The following PES1 variants were observed in gnomAD, a reference collection of about 807,000 sequenced individuals.
The protein encoded by PES1 is pescadillo homolog.
In PES1, 31 loss-of-function variants were observed where a neutral mutation model predicts 77.1. The ratio of observed to expected loss-of-function variants is 0.40; its 90% CI spans 0.30 to 0.54. PES1 has a LOEUF of 0.54. PES1 is among the 20% of genes least tolerant of loss of function. PES1 has a pLI of 0.45. For synonymous variants in PES1, 282 were observed against 303.0 expected (o/e 0.93, Z 0.72); for missense variants, 658 against 771.7 (o/e 0.85, Z 1.75).
chr22:30,577,973 AT>A (rs1165155410), intron 14 of PES1, among the ~76,000 whole-genome samples: 1 of 152,198 alleles, frequency 6.6e-6, no homozygotes, highest in Non-Finnish European at 1.5e-5. Flanking sequence ...AGAAGTCCAT[AT>A]TATGGTTAAA....
upstream of PES1, chr22:30,591,927 A>C: frequency 1.4e-6 from 2 of 1,467,750 alleles, no homozygotes; most frequent in Non-Finnish European, 1.8e-6. Context: ...GACCCTCCCC[A>C]CCCCACGCTG....
chr22:30,602,003 C>A (rs1251135158), intron 2 of PES1: 1 of 151,740 alleles, frequency 6.6e-6, no homozygotes, highest in African/African-American at 2.4e-5. Flanking sequence ...GTTCTCCTGA[C>A]CTTGTGATCC....
At position 30,588,104 on chromosome 22, in the gene PES1, T is replaced by C. The variant is rs748632991; in HGVS notation, c.175A>G (p.Thr59Ala). The C allele has an allele frequency of 3.2e-5, 51 of 1,614,094 alleles. No individual in the cohort carries two copies. Among genetic ancestry groups the C allele is most frequent in the African/African-American group, 4.0e-5 (3 of 74,924 alleles). ...ATAAGGTAAAACGTTCGGGCTGCTGTAGAACCCTTGTTAACCTTCTTCTTG... is the reference window on the plus strand; with the variant it reads ...ATAAGGTAAAACGTTCGGGCTGCTGCAGAACCCTTGTTAACCTTCTTCTTG... Reference protein sequence around the residue: ...KHKKKVNKGSTAARTFYLIKD... With the variant: ...KHKKKVNKGSAAARTFYLIKD... The change falls in exon 3 of 15, where the codon ACA (threonine) becomes GCA (alanine). Residue 59 changes from threonine to alanine, a missense_variant. Physicochemically the swap from Thr to Ala is moderately conservative, Grantham distance 58 (BLOSUM62 0). Transcript: ENST00000354694.
rs185428232 is a variant in PES1, at chr22:30,597,896, T to G, written c.-660-5498A>C. Among the ~76,000 whole-genome samples the G allele has an allele frequency of 9.3e-4, 65 of 69,578 alleles. No individual in the cohort carries two copies. The East Asian group carries it at 0.019, about 21-fold the overall frequency. The allele number at this position is 69,578 out of a possible 152,430, so 45.6% of individuals were successfully genotyped here. On this transcript the variant is annotated intron_variant, in intron 2 of 16. Transcript: ENST00000402281. The stretch of plus-strand genomic sequence containing the variant: ...GTTGAAGTTTTGTTTTTTTTTTTTT[T>G]GTTTTGAGTCGGAGTCTCACTCTGT...
At chr22:30,583,548 G>A (rs1402899008) in intron 6 of PES1, among the ~76,000 whole-genome samples, 2 of 152,222 alleles carry the variant, frequency 1.3e-5, no homozygotes, top group Non-Finnish European at 2.9e-5. Context: ...GCCCACCTGC[G>A]GGGCACTAGA....
At chr22:30,601,499 G>A (rs1352398264) in intron 2 of PES1, among the ~76,000 whole-genome samples, 1 of 150,010 alleles carries the variant, frequency 6.7e-6, no homozygotes, top group Non-Finnish European at 1.5e-5. Flanking sequence ...TTTTAATACA[G>A]ACAGGGTTTC....
At position 30,589,075 on chromosome 22, in the gene PES1, GAGA is replaced by G. The variant is rs1332048029; in HGVS notation, c.104+113_104+115del. 1.3e-5 allele frequency: 9 copies of G among 702,722 alleles called. 1 individual carries two copies. Among genetic ancestry groups the G allele is most frequent in the Middle Eastern group, 2.4e-4 (1 of 4,118 alleles). The allele number at this position is 702,722 out of a possible 1,614,324, so 43.5% of individuals were successfully genotyped here. A position where few individuals can be genotyped will look rare whatever the true frequency, so the allele number is the denominator to read the frequency against. The stretch of plus-strand genomic sequence containing the variant: ...TCACTAAAGCAAGGGCGGTGAGAAA[GAGA>G]AGGAATACCAGAACCCCAGAATGGG... On this transcript the variant is annotated intron_variant, in intron 2 of 14. Coordinates refer to ENST00000354694, the MANE Select transcript of PES1 (RefSeq NM_014303.4).
intron 1 of PES1, among the ~76,000 whole-genome samples, chr22:30,590,058 T>C (rs2087154333): frequency 6.6e-6 from 1 of 152,188 alleles, no homozygotes; most frequent in African/African-American, 2.4e-5. Context: ...CTCCCCTTCC[T>C]CATTCATTCA....
intron 2 of PES1, among the ~76,000 whole-genome samples, chr22:30,602,941 C>T (rs1320277197): frequency 3.3e-5 from 5 of 151,778 alleles, no homozygotes; most frequent in Non-Finnish European, 5.9e-5. Context: ...GAAGGAGTCT[C>T]GCTCTGTTGT....
intron 3 of PES1, among the ~76,000 whole-genome samples, chr22:30,587,607 G>C (rs748307169): frequency 1.1e-4 from 17 of 152,320 alleles, no homozygotes; most frequent in Non-Finnish European, 2.5e-4. Flanking sequence ...AGCAGAGCTA[G>C]ACCAGGCACC....
At chr22:30,596,339 A>AGTGTGT (rs112899417), upstream of PES1, among the ~76,000 whole-genome samples, 24,463 of 149,660 alleles carry the variant, frequency 0.16, 2,049 homozygotes, top group African/African-American at 0.18. Flanking sequence ...TGTTTTTTCA[A>AGTGTGT]GTGTGTGTGT....
intron 2 of PES1, among the ~76,000 whole-genome samples, chr22:30,605,090 C>A (rs566472273): frequency 6.6e-6 from 1 of 152,196 alleles, no homozygotes; most frequent in African/African-American, 2.4e-5. Flanking sequence ...GCCTCCTGGG[C>A]TCAAGTGATC....
chr22:30,599,793 G>A (rs948270562), intron 2 of PES1, among the ~76,000 whole-genome samples: 1 of 152,108 alleles, frequency 6.6e-6, no homozygotes, highest in African/African-American at 2.4e-5. Context: ...ACAGCTACTC[G>A]GGAGGCTGAG....
Position 30,588,144 on chromosome 22 carries a change from G to A in PES1, c.135C>T (p.Pro45=), listed in dbSNP as rs367704049. ...CCTTCTTCTTGTGTTTGGGTTCATG[G>A]GGATAAATGCCCTTCAGAATGCACA... is the stretch of plus-strand genomic sequence containing the variant. ...RRLCILKGIY[P]HEPKHKKKVN... Residue 45 remains proline (P), a synonymous_variant, in exon 3 of 15, where the codon CCC becomes CCT. Transcript: ENST00000354694. 5.6e-6 allele frequency: 9 copies of A among 1,614,056 alleles called. No homozygotes were observed. In the African/African-American group the frequency reaches 1.1e-4, roughly 19 times the overall value.
chr22:30,605,290 C>G (rs2087421239), intron 2 of PES1: 1 of 193,488 alleles, frequency 5.2e-6, no homozygotes, highest in Non-Finnish European at 9.5e-6. Context: ...CATGAGCCAC[C>G]AGTATTTCTA....
In PES1 at chr22:30,581,250, C is replaced by T; in HGVS notation, c.822+84G>A. The T allele has an allele frequency of 5.4e-6, 8 of 1,473,556 alleles. No homozygotes were observed. The Admixed American group carries it at 1.4e-4, about 26-fold the overall frequency. 91.3% of individuals were successfully genotyped at this position (1,473,556 alleles called of 1,614,324 possible). A position where few individuals can be genotyped will look rare whatever the true frequency, so the allele number is the denominator to read the frequency against. On this transcript the variant is annotated intron_variant, in intron 8 of 14. Transcript: ENST00000354694. Reference sequence around the variant, plus strand: ...CCACCCACCTAGCCATAACCACCCCCACTCTGAACCAGACCCCCAGAGGTG... The same window carrying T: ...CCACCCACCTAGCCATAACCACCCCTACTCTGAACCAGACCCCCAGAGGTG...
At position 30,576,909 on chromosome 22, in the gene PES1, A is replaced by G. The variant is rs987302534; in HGVS notation, c.*137T>C. On this transcript the variant is annotated 3_prime_UTR_variant, in exon 15 of 15. Transcript: ENST00000354694. The stretch of plus-strand genomic sequence containing the variant: ...GGGCTGCCCACTGGCCCAGCCAGAG[A>G]GCATGAGGGGTCAGGGCTGGCTGGA... 33 of 745,328 alleles carry G rather than the reference A, an allele frequency of 4.4e-5. No homozygotes were observed. The Admixed American group carries it at 6.8e-4, about 15-fold the overall frequency. The allele number at this position is 745,328 out of a possible 1,614,324, so 46.2% of individuals were successfully genotyped here.
chr22:30,584,560 G>C lies in PES1; in HGVS notation c.526C>G (p.Arg176Gly), dbSNP rs148882386. 246 of 1,611,044 alleles carry C rather than the reference G, an allele frequency of 1.5e-4. No individual in the cohort carries two copies. The African/African-American group carries it at 2.8e-3, about 18-fold the overall frequency. ...VEFMHYIIAARALRKVFLSIK... is the reference protein window; with the variant it reads ...VEFMHYIIAAGALRKVFLSIK... ...CCCAGGCTCACCTTGCGCAGGGCAC[G>C]GGCAGCGATAATGTAGTGCATGAAC... The change falls in exon 5 of 15, where the codon CGT becomes GGT. Residue 176 changes from arginine to glycine, a missense_variant. Physicochemically the swap from Arg to Gly is moderately radical, Grantham distance 125. Transcript: ENST00000354694.
chr22:30,579,322 C>A lies in PES1; in HGVS notation c.1355-19G>T. 1 of 1,599,820 alleles carries A rather than the reference C, an allele frequency of 6.3e-7. No homozygotes were observed. The highest frequency in any genetic ancestry group is 8.5e-7 in the Non-Finnish European group (1 of 1,179,888). Reference sequence around the variant, plus strand: ...AGGTTTCCTAGAGAAAGCCAATGTCCTCTGAATGCCCTGGGAATCTACTGT... The same window carrying A: ...AGGTTTCCTAGAGAAAGCCAATGTCATCTGAATGCCCTGGGAATCTACTGT... On this transcript the variant is annotated intron_variant, in intron 12 of 14. Coordinates refer to ENST00000354694, the MANE Select transcript of PES1 (RefSeq NM_014303.4).
Sources: gnomAD v4.1 joint callset for allele counts (sites outside exome capture counted in the v4.1 genomes callset) on GRCh38, gnomAD v4.1.1 for gene constraint, MANE v1.5 for transcripts, NCBI Gene and HGNC (gene_info 2026-07-23, HGNC 2026-07-21) for gene names.